The following ANO3 variants were observed in gnomAD, a reference collection of about 807,000 sequenced individuals.
ANO3 encodes anoctamin 3.
ANO3 carries 99 observed loss-of-function variants against 144.8 expected under a neutral mutation model. The ratio of observed to expected loss-of-function variants is 0.68; its 90% CI spans 0.58 to 0.81. ANO3 has a LOEUF of 0.81. Among genes scored for constraint, ANO3 ranks in the 30% least tolerant of loss-of-function variants. ANO3 has a pLI of 0.00. For synonymous variants in ANO3, 414 were observed against 392.6 expected (o/e 1.05, Z -0.64); for missense variants, 905 against 1,202.2 (o/e 0.75, Z 3.66).
intron 14 of ANO3, among the ~76,000 whole-genome samples, chr11:26,586,553 A>T (rs1415178754): frequency 9.0e-6 from 1 of 111,084 alleles, no homozygotes; most frequent in East Asian, 2.7e-4. Flanking sequence ...GCCAGGCTGG[A>T]GTGCAGTGGC....
At chr11:26,208,778 AC>A (rs975637952) in intron 1 of ANO3, among the ~76,000 whole-genome samples, 3 of 152,182 alleles carry the variant, frequency 2.0e-5, no homozygotes, top group Non-Finnish European at 4.4e-5. Context: ...GCTCAAAGAA[AC>A]TTTTTAATGA....
At chr11:26,544,988 C>G (rs546424731) in intron 11 of ANO3, among the ~76,000 whole-genome samples, 108 of 151,780 alleles carry the variant, frequency 7.1e-4, no homozygotes, top group Non-Finnish European at 4.7e-4. Context: ...ATGTTTTTAC[C>G]CCTTAGGAAC....
chr11:26,434,239 C>T (rs763671959), intron 1 of ANO3, among the ~76,000 whole-genome samples: 1 of 152,026 alleles, frequency 6.6e-6, no homozygotes, highest in East Asian at 1.9e-4. Flanking sequence ...CTGATGGTTA[C>T]TTTTATTCCT....
chr11:26,546,016 T>C (rs866585468), intron 11 of ANO3, among the ~76,000 whole-genome samples: 1 of 151,966 alleles, frequency 6.6e-6, no homozygotes, highest in African/African-American at 2.4e-5. Context: ...AATATCATTA[T>C]CTATATCATA....
intron 14 of ANO3, among the ~76,000 whole-genome samples, chr11:26,564,779 ATATAT>A (rs1850495882): frequency 9.7e-6 from 1 of 102,892 alleles, no homozygotes; most frequent in African/African-American, 3.6e-5. Context: ...ATATATATAT[ATATAT>A]AAGTTCAGTT....
intron 1 of ANO3, among the ~76,000 whole-genome samples, chr11:26,355,025 C>G (rs1007192901): frequency 7.2e-6 from 1 of 139,638 alleles, no homozygotes; most frequent in Non-Finnish European, 1.5e-5. Flanking sequence ...TTTTTTTTCT[C>G]CCTCTGAAGA....
intron 1 of ANO3, among the ~76,000 whole-genome samples, chr11:26,432,548 G>T (rs1266735939): frequency 6.6e-6 from 1 of 152,140 alleles, no homozygotes; most frequent in Admixed American, 6.6e-5. Context: ...TTGTGTTTAA[G>T]TTTTTAATCC....
At chr11:26,280,950 G>A (rs998523900) in intron 1 of ANO3, among the ~76,000 whole-genome samples, 2 of 152,096 alleles carry the variant, frequency 1.3e-5, no homozygotes, top group Non-Finnish European at 2.9e-5. Flanking sequence ...GATCTGACAG[G>A]CTCATTCTCA....
chr11:26,391,937 G>A (rs767253691), intron 1 of ANO3, among the ~76,000 whole-genome samples: 4 of 152,018 alleles, frequency 2.6e-5, no homozygotes, highest in Non-Finnish European at 5.9e-5. Flanking sequence ...CCATTTTGAT[G>A]TCTCAGTCAT....
In ANO3 at chr11:26,643,270, G is replaced by T. The variant is rs777119897; in HGVS notation, c.2364G>T (p.Arg788Ser). The T allele has an allele frequency of 1.9e-6, 3 of 1,614,162 alleles. No individual in the cohort carries two copies. The highest frequency in any genetic ancestry group is 1.7e-6 in the Non-Finnish European group (2 of 1,180,024). Residue 788 changes from arginine (R) to serine (S), a missense_variant, in exon 23 of 27, where the codon AGG becomes AGT. By Grantham distance (110) the Arg-to-Ser change is moderately radical. Around this residue, in one of 4 missense-constraint regions of ANO3, gnomAD observed 597 missense variants for 865.1 expected, o/e 0.69. Transcript: ENST00000256737. ...TGTTAAACAATATCATTGAAATCAG[G>T]CTGGATGCATACAAATTTGTCACTC... ...LALLNNIIEI[R>S]LDAYKFVTQW...
At chr11:26,624,562 A>G (rs1852520261) in intron 18 of ANO3, 64 bp downstream of exon 18, 2 of 1,181,662 alleles carry the variant, frequency 1.7e-6, no homozygotes, top group South Asian at 1.3e-5. Context: ...TTCAGTCTGT[A>G]GTTACTTTAT....
At chr11:26,494,868 G>A (rs1390742177) in intron 4 of ANO3, among the ~76,000 whole-genome samples, 2 of 152,140 alleles carry the variant, frequency 1.3e-5, no homozygotes, top group African/African-American at 2.4e-5. Flanking sequence ...GTATGTCTGT[G>A]TGGTTTTCTC....
chr11:26,438,638 C>T (rs576560053), intron 1 of ANO3, among the ~76,000 whole-genome samples: 13 of 144,016 alleles, frequency 9.0e-5, no homozygotes, highest in African/African-American at 3.4e-4. Context: ...AATAGCCAGG[C>T]ATGGTGGCGG....
At chr11:26,247,240 G>A (rs1480886501) in intron 1 of ANO3, among the ~76,000 whole-genome samples, 1 of 151,618 alleles carries the variant, frequency 6.6e-6, no homozygotes, top group Non-Finnish European at 1.5e-5. Flanking sequence ...CTGACTCAAA[G>A]TATATTTTTT....
intron 1 of ANO3, among the ~76,000 whole-genome samples, chr11:26,316,247 T>G (rs887619573): frequency 2.0e-5 from 3 of 152,190 alleles, no homozygotes; most frequent in African/African-American, 7.2e-5. Context: ...TGTCACCGCC[T>G]TCTGGTCCTG....
chr11:26,437,351 T>G (rs2134017318), intron 1 of ANO3, among the ~76,000 whole-genome samples: 1 of 152,220 alleles, frequency 6.6e-6, no homozygotes, highest in South Asian at 2.1e-4. Context: ...TTGGAGTGGG[T>G]TCACAAGGGG....
intron 4 of ANO3, among the ~76,000 whole-genome samples, chr11:26,503,594 C>T (rs1044430212): frequency 3.3e-5 from 5 of 151,998 alleles, no homozygotes; most frequent in African/African-American, 7.2e-5. Context: ...TACTTTTTAT[C>T]GTGTCTGTTA....
intron 4 of ANO3, among the ~76,000 whole-genome samples, chr11:26,474,457 TA>T (rs1859888867): frequency 6.6e-6 from 1 of 152,032 alleles, no homozygotes; most frequent in South Asian, 2.1e-4. Flanking sequence ...TATTTACCTT[TA>T]AAATATTTTC....
At chr11:26,398,011 G>GA (rs113004698) in intron 1 of ANO3, among the ~76,000 whole-genome samples, 1,470 of 144,946 alleles carry the variant, frequency 0.01, 24 homozygotes, top group African/African-American at 0.034. Flanking sequence ...AAGGATGGGC[G>GA]AAAAAAAAAA....
Sources: gnomAD v4.1 joint callset for allele counts (sites outside exome capture counted in the v4.1 genomes callset) on GRCh38, gnomAD v4.1.1 for gene constraint, gnomAD v4.1.1 regional missense constraint, MANE v1.5 for transcripts, NCBI Gene and HGNC (gene_info 2026-07-23, HGNC 2026-07-21) for gene names.